The following SHANK2 variants were observed in gnomAD, a reference collection of about 807,000 sequenced individuals.
SHANK2 encodes SH3 and multiple ankyrin repeat domains protein 2.
A neutral mutation model predicts 133.7 loss-of-function variants in SHANK2; 43 were observed. The ratio of observed to expected loss-of-function variants is 0.32; its 90% CI spans 0.25 to 0.41. SHANK2 has a LOEUF of 0.41. Among genes scored for constraint, SHANK2 ranks in the 10% least tolerant of loss-of-function variants. SHANK2 has a pLI of 1.00. For synonymous variants in SHANK2, 1,017 were observed against 952.8 expected, an observed-to-expected ratio of 1.07 and a Z score of -1.24; for missense variants, 1,994 against 2,235.8, an observed-to-expected ratio of 0.89 and a Z score of 2.18.
chr11:70,877,989 G>A (rs374823304), intron 11 of SHANK2, among the ~76,000 whole-genome samples: 2 of 152,246 alleles, frequency 1.3e-5, no homozygotes, highest in African/African-American at 4.8e-5. Flanking sequence ...CTGCCTTTGT[G>A]CAGCGTGAGT....
chr11:70,815,313 G>T (rs1202733622), intron 12 of SHANK2, among the ~76,000 whole-genome samples: 5 of 151,890 alleles, frequency 3.3e-5, no homozygotes, highest in Non-Finnish European at 7.4e-5. Flanking sequence ...AGGCAGGAGA[G>T]ACTGTGGGGG....
rs1477120873 is a variant in SHANK2, at chr11:70,638,284, A to G, written c.2061+21544T>C. The stretch of plus-strand genomic sequence containing the variant: ...CAGGATATGAAACCCAAAGCTGGCA[A>G]TGGACCACAAGCTACTCCCAGTGAC... On this transcript the variant is annotated intron_variant, in intron 17 of 25. Coordinates refer to ENST00000601538, the MANE Select transcript of SHANK2 (RefSeq NM_012309.5). Among the ~76,000 whole-genome samples, 3 of 152,336 alleles carry G rather than the reference A, an allele frequency of 2.0e-5. No individual in the cohort carries two copies. In the East Asian group the frequency reaches 5.8e-4, roughly 29 times the overall value.
At position 70,487,056 on chromosome 11, in the gene SHANK2, G is replaced by A. The variant is rs782694495; in HGVS notation, c.3237C>T (p.Ala1079=). ...DESLTVSSPF[A]AAIAGAVRDR... The stretch of plus-strand genomic sequence containing the variant: ...CGCGGACGGCTCCGGCGATGGCGGC[G>A]GCAAAGGGGCTGCTGACGGTCAGGC... The change falls in exon 25 of 26, where the codon GCC becomes GCT. Residue 1079 remains alanine, a synonymous_variant. Transcript: ENST00000601538. The surrounding 1 kb of genome is among the most constrained non-coding windows in gnomAD (Gnocchi z 5.8). 6 of 1,608,974 alleles carry A rather than the reference G, an allele frequency of 3.7e-6. No homozygotes were observed. Among genetic ancestry groups the A allele is most frequent in the Non-Finnish European group, 4.2e-6 (5 of 1,179,692 alleles).
chr11:71,184,924 C>A (rs1038886760), intron 2 of SHANK2, among the ~76,000 whole-genome samples: 10 of 152,218 alleles, frequency 6.6e-5, no homozygotes, highest in African/African-American at 2.4e-4. Flanking sequence ...CCATCCACCA[C>A]TGCCTGGGCA....
chr11:70,821,954 C>A (rs1590723551), intron 11 of SHANK2, among the ~76,000 whole-genome samples: 1 of 152,186 alleles, frequency 6.6e-6, no homozygotes, highest in Non-Finnish European at 1.5e-5. Context: ...CTCAATGAGA[C>A]CAGGGGCTCA....
At chr11:70,589,659 C>T (rs183192729) in intron 17 of SHANK2, among the ~76,000 whole-genome samples, 1 of 152,266 alleles carries the variant, frequency 6.6e-6, no homozygotes, top group East Asian at 1.9e-4. Flanking sequence ...CGGATCTCGG[C>T]AAAGTCAATT....
chr11:70,766,988 T>C (rs1308099575), intron 14 of SHANK2, among the ~76,000 whole-genome samples: 1 of 152,240 alleles, frequency 6.6e-6, no homozygotes, highest in Non-Finnish European at 1.5e-5. Context: ...ATGTCCACTC[T>C]GCTAGCTCTG....
chr11:70,712,190 G>A (rs1403746408), intron 14 of SHANK2, among the ~76,000 whole-genome samples: 3 of 152,168 alleles, frequency 2.0e-5, no homozygotes, highest in East Asian at 1.9e-4. Flanking sequence ...CAGCAAAAGC[G>A]GGACAAGTCC....
At chr11:70,577,934 C>A (rs2060136833) in intron 17 of SHANK2, among the ~76,000 whole-genome samples, 1 of 152,156 alleles carries the variant, frequency 6.6e-6, no homozygotes, top group Admixed American at 6.5e-5. Context: ...GTGGGGATGA[C>A]CTGTGAGGGG....
At chr11:70,529,923 T>A (rs1050215785) in intron 17 of SHANK2, among the ~76,000 whole-genome samples, 1 of 152,232 alleles carries the variant, frequency 6.6e-6, no homozygotes, top group African/African-American at 2.4e-5. Context: ...CACAGTTGGT[T>A]TTTTTGCTTA....
rs568639098 is a variant in SHANK2, at chr11:70,798,432, G to A, written c.1777+11C>T. The A allele has an allele frequency of 2.3e-3, 1,671 of 717,646 alleles. 33 individuals are homozygous for A. Among genetic ancestry groups the A allele is most frequent in the South Asian group, 0.023 (1,557 of 67,594 alleles). The allele number at this position is 717,646 out of a possible 1,614,324, so 44.5% of individuals were successfully genotyped here. On this transcript the variant is annotated intron_variant, in intron 14 of 25. Transcript: ENST00000601538. ...GGATCGAGGGTGGGCGGCCACGAGCGCTCGCCTTACCTGCCTGGCTGTCCC... is the reference window on the plus strand; with the variant it reads ...GGATCGAGGGTGGGCGGCCACGAGCACTCGCCTTACCTGCCTGGCTGTCCC...
intron 17 of SHANK2, among the ~76,000 whole-genome samples, chr11:70,582,582 G>A (rs776421659): frequency 3.3e-5 from 5 of 152,196 alleles, no homozygotes; most frequent in Admixed American, 1.3e-4. Context: ...CTCTCCCCTC[G>A]TTCACTGAGG....
At chr11:70,695,558 A>G (rs1945374719) in intron 15 of SHANK2, among the ~76,000 whole-genome samples, 1 of 152,190 alleles carries the variant, frequency 6.6e-6, no homozygotes, top group South Asian at 2.1e-4. Flanking sequence ...CCCTCAACCC[A>G]GGCTGGCTTT....
At chr11:70,902,941 G>C (rs1950044440) in intron 10 of SHANK2, among the ~76,000 whole-genome samples, 1 of 152,170 alleles carries the variant, frequency 6.6e-6, no homozygotes, top group Non-Finnish European at 1.5e-5. Flanking sequence ...CACTCTGCAA[G>C]GCAGTGCATC....
chr11:71,119,450 C>T (rs782645984), intron 3 of SHANK2, among the ~76,000 whole-genome samples: 8 of 152,084 alleles, frequency 5.3e-5, no homozygotes, highest in African/African-American at 7.2e-5. Context: ...CATGGTGGTG[C>T]GTGTCTGTAA....
At chr11:70,597,381 T>C (rs1188158929) in intron 17 of SHANK2, among the ~76,000 whole-genome samples, 3 of 151,920 alleles carry the variant, frequency 2.0e-5, no homozygotes, top group African/African-American at 7.3e-5. Context: ...TGGGAAGGGG[T>C]TGCCTCTTTG....
chr11:70,913,138 T>C (rs1950220467), intron 10 of SHANK2, among the ~76,000 whole-genome samples: 1 of 151,720 alleles, frequency 6.6e-6, no homozygotes, highest in African/African-American at 2.4e-5. Flanking sequence ...CTGGTATGTT[T>C]ATAAATAAAT....
Position 70,816,433 on chromosome 11 carries a change from CT to C in SHANK2, c.1493+3930del, listed in dbSNP as rs556842290. 1.5e-3 allele frequency among the ~76,000 whole-genome samples: 225 copies of C among 152,324 alleles called. 1 individual carries two copies. The highest frequency in any genetic ancestry group is 3.1e-3 in the Admixed American group (48 of 15,304). ...AGGAGGAAGTGGGGAGGGCTTTCCC[CT>C]CCACGGCAGGGAGAGCACGCTGTCA... On this transcript the variant is annotated intron_variant, in intron 12 of 25. Transcript: ENST00000601538.
At chr11:70,940,694 A>C (rs1234252081) in intron 10 of SHANK2, among the ~76,000 whole-genome samples, 1 of 152,280 alleles carries the variant, frequency 6.6e-6, no homozygotes, top group East Asian at 1.9e-4. Context: ...AAAAGGGGTG[A>C]CAGCAACACC....
Sources: gnomAD v4.1 joint callset for allele counts (sites outside exome capture counted in the v4.1 genomes callset) on GRCh38, gnomAD v4.1.1 for gene constraint, Gnocchi (gnomAD v3.1) non-coding constraint, MANE v1.5 for transcripts, NCBI Gene and HGNC (gene_info 2026-07-23, HGNC 2026-07-21) for gene names.